ZNF385D: variants seen among roughly 807,000 people sequenced by gnomAD.
ZNF385D encodes the protein zinc finger protein 385D.
In ZNF385D, 15 loss-of-function variants were observed where a neutral mutation model predicts 35.8. The ratio of observed to expected loss-of-function variants is 0.42; its 90% CI spans 0.28 to 0.64. The LOEUF is 0.64. ZNF385D is among the 30% of genes least tolerant of loss of function. ZNF385D has a pLI of 0.23. For missense variants in ZNF385D, 474 were observed against 494.6 expected (o/e 0.96, Z 0.39); for synonymous variants, 212 against 186.8 (o/e 1.13, Z -1.10).
intron 3 of ZNF385D, among the ~76,000 whole-genome samples, chr3:21,971,118 T>A (rs34301192): frequency 5.9e-4 from 89 of 151,938 alleles, no homozygotes; most frequent in African/African-American, 2.0e-3. Flanking sequence ...TAGGAAATCA[T>A]CTGAAGGTAC....
At chr3:21,761,341 T>G (rs2070599286) in intron 3 of ZNF385D, among the ~76,000 whole-genome samples, 1 of 152,188 alleles carries the variant, frequency 6.6e-6, no homozygotes, top group Admixed American at 6.5e-5. Context: ...ACCTCTAAAT[T>G]TGGGGTAATA....
chr3:21,437,475 C>A (rs1192909728), intron 4 of ZNF385D, among the ~76,000 whole-genome samples: 4 of 151,858 alleles, frequency 2.6e-5, no homozygotes, highest in Non-Finnish European at 5.9e-5. Flanking sequence ...CCACAAATTT[C>A]TCTTGTTAAC....
chr3:22,366,035 T>G (rs1051782447), intron 2 of ZNF385D, among the ~76,000 whole-genome samples: 1 of 151,688 alleles, frequency 6.6e-6, no homozygotes, highest in African/African-American at 2.4e-5. Context: ...TAAGCTAAAA[T>G]TTTTTTTTAA....
chr3:21,740,055 T>C (rs2069435398), intron 1 of ZNF385D, among the ~76,000 whole-genome samples: 1 of 152,152 alleles, frequency 6.6e-6, no homozygotes, highest in East Asian at 1.9e-4. Context: ...GACCAGTTCA[T>C]CCCAGTACAC....
At chr3:21,576,045 G>A (rs964725723) in intron 2 of ZNF385D, among the ~76,000 whole-genome samples, 2 of 152,146 alleles carry the variant, frequency 1.3e-5, no homozygotes, top group African/African-American at 4.8e-5. Flanking sequence ...ATGGAATACA[G>A]AATACCAACT....
At chr3:22,274,514 T>C (rs980783354) in intron 2 of ZNF385D, among the ~76,000 whole-genome samples, 14 of 152,038 alleles carry the variant, frequency 9.2e-5, no homozygotes, top group African/African-American at 3.1e-4. Context: ...AAATCACTTA[T>C]GATTTTTAAT....
rs55872870 is a variant in ZNF385D, at chr3:21,681,298, T to TAAAAAAAAAAAAAAAAAAA, written c.23-16289_23-16271dup. On this transcript the variant is annotated intron_variant, in intron 1 of 7. Coordinates refer to ENST00000281523, the MANE Select transcript of ZNF385D (RefSeq NM_024697.3). ...AGCCTATGTGAATATATTCCATCAG[T>TAAAAAAAAAAAAAAAAAAA]AAAAAAAAAAAAAAAAAAAAAAAAA... is the stretch of plus-strand genomic sequence containing the variant. Among the ~76,000 whole-genome samples the TAAAAAAAAAAAAAAAAAAA allele has an allele frequency of 4.7e-5, 3 of 64,474 alleles. 1 individual carries two copies. The highest frequency in any genetic ancestry group is 5.6e-5 in the African/African-American group (1 of 17,840). 42.3% of individuals were successfully genotyped at this position (64,474 alleles called of 152,430 possible).
At chr3:22,154,609 T>G (rs560960435) in intron 3 of ZNF385D, among the ~76,000 whole-genome samples, 1 of 152,312 alleles carries the variant, frequency 6.6e-6, no homozygotes, top group South Asian at 2.1e-4. Flanking sequence ...TAAAGCTCCT[T>G]CAAGCCTTGG....
At chr3:21,728,886 C>G (rs531552110) in intron 1 of ZNF385D, among the ~76,000 whole-genome samples, 1 of 152,262 alleles carries the variant, frequency 6.6e-6, no homozygotes, top group South Asian at 2.1e-4. Context: ...TAATAACTGG[C>G]GCTTCCTAAG....
intron 3 of ZNF385D, among the ~76,000 whole-genome samples, chr3:22,023,559 T>A (rs984271479): frequency 2.6e-5 from 4 of 152,128 alleles, no homozygotes; most frequent in African/African-American, 9.7e-5. Flanking sequence ...TCTGCACATT[T>A]AGATAAATTA....
intron 2 of ZNF385D, among the ~76,000 whole-genome samples, chr3:21,663,820 T>C (rs918287268): frequency 4.8e-5 from 7 of 145,690 alleles, no homozygotes; most frequent in African/African-American, 1.5e-4. Flanking sequence ...CCAAAGGCCA[T>C]GTGACAAAGT....
chr3:21,908,743 C>G (rs1466045239), intron 3 of ZNF385D, among the ~76,000 whole-genome samples: 2 of 151,916 alleles, frequency 1.3e-5, no homozygotes, highest in African/African-American at 4.8e-5. Context: ...TTTCAAGAAT[C>G]CTTTGTATAC....
chr3:21,757,087 T>G (rs2070370964), intron 3 of ZNF385D, among the ~76,000 whole-genome samples: 1 of 150,906 alleles, frequency 6.6e-6, no homozygotes. Flanking sequence ...AATTCTAGAT[T>G]TCACTGACTT....
chr3:21,924,477 C>G (rs1000666579), intron 3 of ZNF385D, among the ~76,000 whole-genome samples: 1 of 152,208 alleles, frequency 6.6e-6, no homozygotes, highest in African/African-American at 2.4e-5. Context: ...AACTTTTAGA[C>G]AGTAACTGCT....
intron 3 of ZNF385D, among the ~76,000 whole-genome samples, chr3:22,038,202 A>C (rs1698455836): frequency 6.6e-6 from 1 of 152,178 alleles, no homozygotes; most frequent in Non-Finnish European, 1.5e-5. Flanking sequence ...GAATAATGAC[A>C]CATGAAGGAG....
intron 3 of ZNF385D, among the ~76,000 whole-genome samples, chr3:21,521,567 A>G (rs78421940): frequency 0.037 from 5,613 of 152,144 alleles, 332 homozygotes; most frequent in African/African-American, 0.13. Context: ...GGCTTGGGCA[A>G]CAAAGCAAAA....
At chr3:22,226,514 A>T (rs1464053186) in intron 2 of ZNF385D, among the ~76,000 whole-genome samples, 1 of 152,244 alleles carries the variant, frequency 6.6e-6, no homozygotes, top group African/African-American at 2.4e-5. Context: ...GTGAAAAAAC[A>T]CTTTTAAATT....
chr3:22,277,214 T>G (rs934258929), intron 2 of ZNF385D, among the ~76,000 whole-genome samples: 7 of 152,052 alleles, frequency 4.6e-5, no homozygotes, highest in Admixed American at 2.0e-4. Context: ...TTAGCAGTGG[T>G]GAGAGAAGCA....
chr3:22,368,130 G>T (rs1696738514), intron 2 of ZNF385D, among the ~76,000 whole-genome samples: 3 of 152,126 alleles, frequency 2.0e-5, no homozygotes, highest in South Asian at 4.1e-4. Flanking sequence ...CCTATGTGTT[G>T]CAAATAAGGC....
Sources: gnomAD v4.1 joint callset for allele counts (sites outside exome capture counted in the v4.1 genomes callset) on GRCh38, gnomAD v4.1.1 for gene constraint, MANE v1.5 for transcripts, NCBI Gene and HGNC (gene_info 2026-07-23, HGNC 2026-07-21) for gene names.